NPM1: variants seen among roughly 807,000 people sequenced by gnomAD.
NPM1 encodes nucleophosmin 1.
NPM1 carries 1 observed loss-of-function variant against 44.1 expected under a neutral mutation model. That is an observed-to-expected ratio of 0.02 (90% CI 0.01 to 0.11). NPM1 has a LOEUF of 0.11. Ranked by LOEUF, NPM1 falls within the 10% of genes least tolerant of loss-of-function variation. The pLI, the probability that NPM1 is intolerant of heterozygous loss-of-function variation, is 1.00. For missense variants in NPM1, 197 were observed against 347.8 expected (o/e 0.57, Z 3.45); for synonymous variants, 126 against 111.8 (o/e 1.13, Z -0.80).
intron 8 of NPM1, among the ~76,000 whole-genome samples, chr5:171,401,678 G>A (rs985301258): frequency 1.3e-5 from 2 of 152,172 alleles, no homozygotes; most frequent in Non-Finnish European, 2.9e-5. Flanking sequence ...CTGACTGCAG[G>A]TGATCCGCCC....
At chr5:171,389,307 G>A (rs1770447090) in intron 1 of NPM1, among the ~76,000 whole-genome samples, 1 of 152,146 alleles carries the variant, frequency 6.6e-6, no homozygotes, top group Non-Finnish European at 1.5e-5. Flanking sequence ...TATTGGTAAC[G>A]GTTAGATGAT....
At chr5:171,391,548 C>T (rs563104384) in intron 3 of NPM1, 124 bp downstream of exon 3, 40 of 1,287,064 alleles carry the variant, frequency 3.1e-5, no homozygotes, top group South Asian at 1.1e-4. Context: ...CACTGGAGTT[C>T]GATGGTCAAC....
chr5:171,408,413 G>A (rs1004462916), intron 10 of NPM1, among the ~76,000 whole-genome samples: 6 of 152,134 alleles, frequency 3.9e-5, no homozygotes, highest in Middle Eastern at 3.2e-3. Context: ...TGTGGAGAAC[G>A]GATGCTGCAT....
chr5:171,389,448 G>A (rs1770455022), intron 1 of NPM1, among the ~76,000 whole-genome samples: 1 of 152,186 alleles, frequency 6.6e-6, no homozygotes, highest in East Asian at 1.9e-4. Flanking sequence ...GGATAGCTGA[G>A]AATTCTGGTA....
chr5:171,405,195 T>G (rs956727365), intron 8 of NPM1, 107 bp from the exon 9 acceptor site: 2 of 642,576 alleles, frequency 3.1e-6, no homozygotes, highest in African/African-American at 1.9e-5. Context: ...ATAATTAGCT[T>G]TATAAGGGAG....
rs933313638 is a variant in NPM1, at chr5:171,396,769, T to G, written c.525-3384T>G. ...GTCGATGCGGGCAGATCACCTGAGG[T>G]CAGGAGTTGAAGACCAGCCTGGCCA... On this transcript the variant is annotated intron_variant, in intron 6 of 10. Coordinates refer to ENST00000296930, the MANE Select transcript of NPM1 (RefSeq NM_002520.7). 2.0e-5 allele frequency among the ~76,000 whole-genome samples: 3 copies of G among 152,028 alleles called. No homozygotes were observed. In the East Asian group the frequency reaches 5.8e-4, roughly 29 times the overall value.
intron 7 of NPM1, 72 bp downstream of exon 7, chr5:171,400,282 GT>G: frequency 8.1e-7 from 1 of 1,239,584 alleles, no homozygotes; most frequent in Non-Finnish European, 1.1e-6. Context: ...CTATTTGCTT[GT>G]TTTGTAGTTA....
rs1561870997 is a variant in NPM1, at chr5:171,400,232, A to G, written c.582+22A>G. On this transcript the variant is annotated intron_variant, in intron 7 of 10. Coordinates refer to ENST00000296930, the MANE Select transcript of NPM1 (RefSeq NM_002520.7). The stretch of plus-strand genomic sequence containing the variant: ...GAAAGTGAGTAGATACAATGCTACA[A>G]GGTTGTTAAACTAACAATAGAAATG... 3 of 1,613,258 alleles carry G rather than the reference A, an allele frequency of 1.9e-6. No individual in the cohort carries two copies. The South Asian group carries it at 3.3e-5, about 18-fold the overall frequency.
At chr5:171,398,754 G>A (rs1051537743) in intron 6 of NPM1, among the ~76,000 whole-genome samples, 2 of 152,206 alleles carry the variant, frequency 1.3e-5, no homozygotes, top group Admixed American at 1.3e-4. Flanking sequence ...CCTGGCGACA[G>A]AGCGAGACTC....
intron 8 of NPM1, among the ~76,000 whole-genome samples, chr5:171,403,552 A>T (rs1344169908): frequency 2.7e-5 from 3 of 112,426 alleles, no homozygotes; most frequent in Non-Finnish European, 5.8e-5. Flanking sequence ...GTGGCCGGGC[A>T]GAGGGGCTCC....
chr5:171,393,056 G>C (rs1770673124), intron 6 of NPM1, 78 bp downstream of exon 6: 2 of 1,513,422 alleles, frequency 1.3e-6, no homozygotes, highest in African/African-American at 2.8e-5. Context: ...ATATGCATGA[G>C]GGTTTTATAA....
intron 4 of NPM1, among the ~76,000 whole-genome samples, chr5:171,392,337 A>G (rs1770619857): frequency 6.6e-6 from 1 of 152,072 alleles, no homozygotes; most frequent in African/African-American, 2.4e-5. Flanking sequence ...TACTGGGTTC[A>G]CCTCAGCCTC....
chr5:171,388,093 C>T, intron 1 of NPM1, 87 bp downstream of exon 1: 1 of 1,138,382 alleles, frequency 8.8e-7, no homozygotes, highest in Non-Finnish European at 1.3e-6. Flanking sequence ...CGGCTGCAAC[C>T]GGGTCTGGTG....
chr5:171,403,333 A>G (rs2113254399), intron 8 of NPM1, among the ~76,000 whole-genome samples: 1 of 87,490 alleles, frequency 1.1e-5, no homozygotes, highest in South Asian at 4.4e-4. Context: ...GTAAGGTCAC[A>G]GATCAACAGG....
chr5:171,408,561 G>A (rs1354789529), intron 10 of NPM1, among the ~76,000 whole-genome samples: 3 of 151,986 alleles, frequency 2.0e-5, no homozygotes, highest in African/African-American at 2.4e-5. Flanking sequence ...TTTCGGGTTC[G>A]TAAAACCCTG....
intron 6 of NPM1, among the ~76,000 whole-genome samples, chr5:171,395,962 A>ATTTTT (rs200119475): frequency 7.5e-6 from 1 of 133,518 alleles, no homozygotes; most frequent in African/African-American, 2.9e-5. Flanking sequence ...AGTAAAGCTG[A>ATTTTT]ATTTTTTTTT....
intron 9 of NPM1, chr5:171,407,448 T>A: frequency 2.1e-6 from 1 of 478,648 alleles, no homozygotes; most frequent in Non-Finnish European, 3.6e-6. Context: ...GTGTAGCTTA[T>A]ATTTTATGTT....
intron 6 of NPM1, among the ~76,000 whole-genome samples, chr5:171,395,726 G>A (rs1240500514): frequency 5.3e-5 from 8 of 152,148 alleles, no homozygotes; most frequent in Admixed American, 3.9e-4. Context: ...ATGAAGGTTC[G>A]TTATAGTTAC....
intron 1 of NPM1, 122 bp downstream of exon 1, chr5:171,388,128 C>T (rs2113143031): frequency 1.1e-6 from 1 of 908,750 alleles, no homozygotes; most frequent in African/African-American, 1.6e-5. Flanking sequence ...GACGGGAGGC[C>T]TGAGCGGGTG....
Sources: gnomAD v4.1 joint callset for allele counts (sites outside exome capture counted in the v4.1 genomes callset) on GRCh38, gnomAD v4.1.1 for gene constraint, MANE v1.5 for transcripts, NCBI Gene and HGNC (gene_info 2026-07-23, HGNC 2026-07-21) for gene names.